Variants in TBC1D4 observed in about 807,000 individuals in gnomAD.
TBC1D4 encodes the protein TBC (Tre-2, BUB2, CDC16) domain-containing protein.
TBC1D4 carries 121 observed loss-of-function variants against 142.5 expected under a neutral mutation model. The observed-to-expected ratio is 0.85, with a 90% confidence interval of 0.73 to 0.99. The LOEUF is 0.99. Ranked by LOEUF, TBC1D4 falls within the 50% of genes least tolerant of loss-of-function variation. The pLI is 0.00. For missense variants in TBC1D4, 1,475 were observed against 1,606.6 expected, an observed-to-expected ratio of 0.92 and a Z score of 1.40; for synonymous variants, 630 against 628.2, an observed-to-expected ratio of 1.00 and a Z score of -0.04.
chr13:75,307,565 G>A (rs2137916839), intron 14 of TBC1D4, among the ~76,000 whole-genome samples: 1 of 152,222 alleles, frequency 6.6e-6, no homozygotes, highest in Middle Eastern at 3.4e-3. Context: ...ACAGCGCTCG[G>A]CCACCTTACC....
chr13:75,354,517 A>T (rs915681623), intron 4 of TBC1D4, among the ~76,000 whole-genome samples: 4 of 152,242 alleles, frequency 2.6e-5, no homozygotes, highest in Admixed American at 1.3e-4. Flanking sequence ...AAAGAGATAC[A>T]TTAGCATTTG....
chr13:75,332,753 T>C (rs137995203), intron 8 of TBC1D4, among the ~76,000 whole-genome samples: 330 of 152,350 alleles, frequency 2.2e-3, no homozygotes, highest in African/African-American at 7.6e-3. Flanking sequence ...TTTCCACTGA[T>C]AAAATAATGG....
chr13:75,445,940 A>G (rs1887265677), intron 1 of TBC1D4, among the ~76,000 whole-genome samples: 1 of 152,152 alleles, frequency 6.6e-6, no homozygotes. Context: ...GTTTTATTTG[A>G]TTTATGTGCT....
chr13:75,350,521 A>G (rs1881510023), intron 4 of TBC1D4, among the ~76,000 whole-genome samples: 1 of 152,220 alleles, frequency 6.6e-6, no homozygotes, highest in East Asian at 1.9e-4. Context: ...ATTTTATACT[A>G]TAAGCAAAAA....
chr13:75,299,357 C>T lies in TBC1D4; in HGVS notation c.3129G>A (p.Gln1043=). The T allele has an allele frequency of 6.2e-7, 1 of 1,614,192 alleles. No individual in the cohort carries two copies. The highest frequency in any genetic ancestry group is 1.1e-5 in the South Asian group (1 of 91,082). The change falls in exon 17 of 21, where the codon CAG becomes CAA. Residue 1043 remains glutamine (Q), a synonymous_variant. Coordinates refer to ENST00000377636, the MANE Select transcript of TBC1D4 (RefSeq NM_014832.5). ...GCAGCGACATCATGTCAGGTCTGTA[C>T]TGCTTGCGGAAGCCGAGGTCATACA... ...FLMYDLGFRK[Q]YRPDMMSLQI... is the part of the protein sequence containing the mutation.
At chr13:75,390,859 AGGG>A in intron 1 of TBC1D4, among the ~76,000 whole-genome samples, 1 of 2,850 alleles carries the variant, frequency 3.5e-4, no homozygotes, top group Non-Finnish European at 7.2e-4. Flanking sequence ...AGGGGAGGGG[AGGG>A]GAGGGGAGGG....
intron 4 of TBC1D4, among the ~76,000 whole-genome samples, chr13:75,353,036 T>C (rs1380930950): frequency 6.6e-6 from 1 of 152,232 alleles, no homozygotes; most frequent in African/African-American, 2.4e-5. Flanking sequence ...AAATTAAACA[T>C]GGTTTGAGAG....
chr13:75,409,956 T>C lies in TBC1D4; in HGVS notation c.499-47349A>G, dbSNP rs1885544910. Among the ~76,000 whole-genome samples, 5 of 152,316 alleles carry C rather than the reference T, an allele frequency of 3.3e-5. No individual in the cohort carries two copies. In the South Asian group the frequency reaches 6.2e-4, roughly 19 times the overall value. ...AATATTCTGACCCACTTGACAGATG[T>C]TGTAAAGGATTTCCCCAGCTTTCAG... is the stretch of plus-strand genomic sequence containing the variant. On this transcript the variant is annotated intron_variant, in intron 1 of 20. Coordinates refer to ENST00000377636, the MANE Select transcript of TBC1D4 (RefSeq NM_014832.5).
chr13:75,311,220 T>G (rs1374027025), intron 13 of TBC1D4, among the ~76,000 whole-genome samples: 2 of 152,214 alleles, frequency 1.3e-5, no homozygotes, highest in Non-Finnish European at 2.9e-5. Context: ...TTTGCATTCA[T>G]CATGCTGAAT....
chr13:75,310,197 G>C lies in TBC1D4; in HGVS notation c.2384-46C>G, dbSNP rs752512743. On this transcript the variant is annotated intron_variant, in intron 13 of 20. Coordinates refer to ENST00000377636, the MANE Select transcript of TBC1D4 (RefSeq NM_014832.5). ...AGAGGCATTCCTTAGCAGTAACCCA[G>C]ACTACCCAAGTTTCTGTAGAATTCA... The C allele has an allele frequency of 4.5e-6, 7 of 1,566,440 alleles. No individual in the cohort carries two copies. The African/African-American group carries it at 8.1e-5, about 18-fold the overall frequency.
Position 75,284,280 on chromosome 13 carries a change from T to C in TBC1D4, c.*2512A>G, listed in dbSNP as rs1454322221. On this transcript the variant is annotated 3_prime_UTR_variant, in exon 21 of 21. Coordinates refer to ENST00000377636, the MANE Select transcript of TBC1D4 (RefSeq NM_014832.5). The stretch of plus-strand genomic sequence containing the variant: ...ACATTTATTGTGCACTTTATTTCTA[T>C]TATTATTATTATATCCTCACCATAT... 1.3e-5 allele frequency among the ~76,000 whole-genome samples: 2 copies of C among 151,910 alleles called. No individual in the cohort carries two copies. Among genetic ancestry groups the C allele is most frequent in the African/African-American group, 4.8e-5 (2 of 41,384 alleles).
At chr13:75,366,958 G>A in intron 1 of TBC1D4, 4 of 985,404 alleles carry the variant, frequency 4.1e-6, no homozygotes, top group Non-Finnish European at 4.8e-6. Flanking sequence ...GTCACGAAGA[G>A]CAATGATTTT....
intron 1 of TBC1D4, among the ~76,000 whole-genome samples, chr13:75,417,192 T>C (rs1175607791): frequency 2.0e-5 from 3 of 152,170 alleles, no homozygotes; most frequent in Non-Finnish European, 4.4e-5. Flanking sequence ...CATGCCAGGC[T>C]CTACTTGCTG....
At chr13:75,289,232 A>G (rs1593857161) in intron 19 of TBC1D4, 122 bp from the exon 20 acceptor site, 1 of 1,115,456 alleles carries the variant, frequency 9.0e-7, no homozygotes, top group East Asian at 2.5e-5. Flanking sequence ...ATTAAAGCAT[A>G]AAAAAGCAAA....
intron 1 of TBC1D4, among the ~76,000 whole-genome samples, chr13:75,368,414 G>A (rs1393786245): frequency 1.3e-5 from 2 of 152,186 alleles, no homozygotes; most frequent in Admixed American, 6.5e-5. Flanking sequence ...CTCGGGCTAT[G>A]AGCCAAGACA....
intron 1 of TBC1D4, among the ~76,000 whole-genome samples, chr13:75,472,620 A>G (rs1291173528): frequency 2.0e-5 from 3 of 152,036 alleles, no homozygotes; most frequent in Non-Finnish European, 4.4e-5. Context: ...GGCGAGGACC[A>G]TAACTAGATA....
chr13:75,306,593 A>C, intron 14 of TBC1D4, 122 bp from the exon 15 acceptor site: 2 of 1,186,700 alleles, frequency 1.7e-6, no homozygotes, highest in South Asian at 1.4e-5. Flanking sequence ...AGTGTATCTC[A>C]AAAAGAAAAT....
rs148671723 is a variant in TBC1D4, at chr13:75,364,160, T to C, written c.499-1553A>G. Among the ~76,000 whole-genome samples the C allele has an allele frequency of 3.6e-3, 542 of 152,252 alleles. 2 individuals are homozygous for C. The highest frequency in any genetic ancestry group is 0.011 in the African/African-American group (466 of 41,558). On this transcript the variant is annotated intron_variant, in intron 1 of 20. Coordinates refer to ENST00000377636, the MANE Select transcript of TBC1D4 (RefSeq NM_014832.5). ...CAAAGATTTCCTGATTGGCAATTGG[T>C]TCCTAGAGTTTATCTCCTACTAAAT...
At chr13:75,481,195 T>TCCCCCCCCCCCCCCCC in intron 1 of TBC1D4, 75 bp downstream of exon 1, 3 of 1,292,712 alleles carry the variant, frequency 2.3e-6, no homozygotes, top group Non-Finnish European at 3.2e-6. Context: ...TAAAGTGGGG[T>TCCCCCCCCCCCCCCCC]CCCCGCCCCT....
Sources: allele counts gnomAD v4.1 joint callset (sites outside exome capture counted in the v4.1 genomes callset), GRCh38; gene constraint gnomAD v4.1.1; transcripts MANE v1.5; gene names NCBI Gene and HGNC (gene_info 2026-07-23, HGNC 2026-07-21).